Variants in ADAM17 observed in about 807,000 individuals in gnomAD.
ADAM17 encodes ADAM metallopeptidase domain 17.
ADAM17 carries 39 observed loss-of-function variants against 96.7 expected under a neutral mutation model. The ratio of observed to expected loss-of-function variants is 0.40; its 90% CI spans 0.31 to 0.53. The LOEUF is 0.53. Among genes scored for constraint, ADAM17 ranks in the 20% least tolerant of loss-of-function variants. The probability of loss-of-function intolerance (pLI) is 0.44; values close to 1 mark genes in which losing one functional copy is unlikely to be tolerated. For synonymous variants in ADAM17, 344 were observed against 359.2 expected, an observed-to-expected ratio of 0.96 and a Z score of 0.48; for missense variants, 777 against 1,013.2, an observed-to-expected ratio of 0.77 and a Z score of 3.17.
At chr2:9,553,668 A>G (rs1378198939) in intron 1 of ADAM17, among the ~76,000 whole-genome samples, 26 of 121,966 alleles carry the variant, frequency 2.1e-4, no homozygotes, top group African/African-American at 8.6e-4. Context: ...AGAGCAAAAC[A>G]CTGCCTCAAA....
At chr2:9,554,552 T>C (rs551714621) in intron 1 of ADAM17, among the ~76,000 whole-genome samples, 3 of 152,344 alleles carry the variant, frequency 2.0e-5, no homozygotes, top group South Asian at 2.1e-4. Flanking sequence ...CATGGTATCA[T>C]GGTGAAATTT....
At chr2:9,549,844 T>C (rs1279179417) in intron 1 of ADAM17, among the ~76,000 whole-genome samples, 6 of 152,132 alleles carry the variant, frequency 3.9e-5, no homozygotes, top group African/African-American at 9.7e-5. Flanking sequence ...TTAATTTCTT[T>C]TATTTTTTCA....
intron 13 of ADAM17, among the ~76,000 whole-genome samples, chr2:9,499,110 CTTCTTTT>C (rs113122042): frequency 0.53 from 73,656 of 138,556 alleles, 19,364 homozygotes; most frequent in Middle Eastern, 0.67. Flanking sequence ...TTTCTTTCTT[CTTCTTTT>C]TTTTTTTTTT....
At chr2:9,548,429 A>G (rs919500875) in intron 1 of ADAM17, among the ~76,000 whole-genome samples, 3 of 151,956 alleles carry the variant, frequency 2.0e-5, no homozygotes, top group African/African-American at 7.2e-5. Context: ...TAGGCTGCAG[A>G]GCAAACCAAG....
rs1270413595 is a variant in ADAM17 at position 9,522,416 on chromosome 2, C to G, written c.843+833G>C. 7 of 599,618 alleles carry G rather than the reference C, an allele frequency of 1.2e-5. No individual in the cohort carries two copies. In the East Asian group the frequency reaches 2.0e-4, roughly 17 times the overall value. 37.1% of individuals were successfully genotyped at this position (599,618 alleles called of 1,614,324 possible). On this transcript the variant is annotated intron_variant, in intron 7 of 18. Coordinates refer to ENST00000310823, the MANE Select transcript of ADAM17 (RefSeq NM_003183.6). The stretch of plus-strand genomic sequence containing the variant: ...TTTTCACTGGCTTTTGTACTGTGTA[C>G]ATGTTACCTATTCAAATAATAACTT...
intron 7 of ADAM17, among the ~76,000 whole-genome samples, chr2:9,522,875 G>A (rs1664369058): frequency 6.6e-6 from 1 of 152,108 alleles, no homozygotes; most frequent in Admixed American, 6.5e-5. Flanking sequence ...CCTTGCAAAG[G>A]TACACAGTAT....
chr2:9,501,516 TG>T (rs1251563267), intron 13 of ADAM17, among the ~76,000 whole-genome samples: 3 of 152,168 alleles, frequency 2.0e-5, no homozygotes, highest in Non-Finnish European at 4.4e-5. Flanking sequence ...ATGAAGGCAA[TG>T]GAAGTAGCTA....
intron 12 of ADAM17, among the ~76,000 whole-genome samples, chr2:9,503,735 G>T (rs971027951): frequency 2.0e-5 from 3 of 151,998 alleles, no homozygotes; most frequent in Non-Finnish European, 4.4e-5. Flanking sequence ...CTACTGGGGA[G>T]GCTGAGGCAG....
intron 1 of ADAM17, among the ~76,000 whole-genome samples, chr2:9,543,588 T>C (rs966605054): frequency 1.3e-5 from 2 of 152,230 alleles, no homozygotes; most frequent in Non-Finnish European, 2.9e-5. Flanking sequence ...ATCCTTCCAA[T>C]GGACTTAGAA....
At chr2:9,551,137 A>G (rs999261574) in intron 1 of ADAM17, among the ~76,000 whole-genome samples, 5 of 152,122 alleles carry the variant, frequency 3.3e-5, no homozygotes, top group African/African-American at 1.2e-4. Flanking sequence ...GGGCAGCTGA[A>G]TATGAACTCC....
intron 10 of ADAM17, among the ~76,000 whole-genome samples, chr2:9,513,600 A>G (rs1433621076): frequency 6.6e-6 from 1 of 151,968 alleles, no homozygotes; most frequent in Admixed American, 6.6e-5. Flanking sequence ...TGTAGGGGGA[A>G]ATCCCCACAC....
chr2:9,529,071 A>G (rs1664636571), intron 4 of ADAM17, among the ~76,000 whole-genome samples: 1 of 152,266 alleles, frequency 6.6e-6, no homozygotes, highest in South Asian at 2.1e-4. Flanking sequence ...CATACAATGG[A>G]ATACTATTCA....
intron 1 of ADAM17, among the ~76,000 whole-genome samples, chr2:9,552,381 T>C (rs1665613555): frequency 6.6e-6 from 1 of 152,252 alleles, no homozygotes; most frequent in African/African-American, 2.4e-5. Context: ...CTTAGACTAA[T>C]ATAAAGCAGA....
At chr2:9,491,247 C>A in intron 17 of ADAM17, 96 bp from the exon 18 acceptor site, 1 of 1,142,134 alleles carries the variant, frequency 8.8e-7, no homozygotes, top group Non-Finnish European at 1.3e-6. Flanking sequence ...AACTGAAGAA[C>A]TTAGAACCTG....
Position 9,490,536 on chromosome 2 carries a change from C to A in ADAM17, c.2134-18G>T. The stretch of plus-strand genomic sequence containing the variant: ...TCGACGTTCTGCAAAGACATGGGTT[C>A]AATTGATTGATAGGAATAAAAGATG... On this transcript the variant is annotated intron_variant, in intron 18 of 18. Coordinates refer to ENST00000310823, the MANE Select transcript of ADAM17 (RefSeq NM_003183.6). 1.3e-6 allele frequency: 2 copies of A among 1,599,262 alleles called. No homozygotes were observed. Among genetic ancestry groups the A allele is most frequent in the South Asian group, 2.2e-5 (2 of 89,616 alleles).
At chr2:9,541,346 T>C (rs1423023243) in intron 2 of ADAM17, among the ~76,000 whole-genome samples, 1 of 152,194 alleles carries the variant, frequency 6.6e-6, no homozygotes, top group Non-Finnish European at 1.5e-5. Flanking sequence ...GTGGATCACC[T>C]GAGGTCAGGA....
chr2:9,539,927 G>A (rs1665138315), intron 2 of ADAM17, among the ~76,000 whole-genome samples: 1 of 152,106 alleles, frequency 6.6e-6, no homozygotes, highest in South Asian at 2.1e-4. Context: ...AAAACACCTG[G>A]TATAAAATTC....
At chr2:9,523,988 C>T (rs1664416971) in intron 6 of ADAM17, among the ~76,000 whole-genome samples, 1 of 151,742 alleles carries the variant, frequency 6.6e-6, no homozygotes, top group African/African-American at 2.4e-5. Context: ...AATCCTCTCA[C>T]CTCAGCCTCC....
chr2:9,516,917 A>G (rs913320746), intron 10 of ADAM17, among the ~76,000 whole-genome samples: 2 of 152,174 alleles, frequency 1.3e-5, no homozygotes, highest in African/African-American at 4.8e-5. Flanking sequence ...CGTTGAGGCT[A>G]AGGGCAGCCA....
Sources: allele counts gnomAD v4.1 joint callset (sites outside exome capture counted in the v4.1 genomes callset), GRCh38; gene constraint gnomAD v4.1.1; transcripts MANE v1.5; gene names NCBI Gene and HGNC (gene_info 2026-07-23, HGNC 2026-07-21).